KATNIP: variants seen among roughly 807,000 people sequenced by gnomAD.
KATNIP encodes the protein katanin-interacting protein.
In KATNIP, 126 loss-of-function variants were observed where a neutral mutation model predicts 174.0. The ratio of observed to expected loss-of-function variants is 0.72; its 90% confidence interval spans 0.63 to 0.84. The LOEUF is 0.84. Among genes scored for constraint, KATNIP ranks in the 40% least tolerant of loss-of-function variants. The pLI is 0.00. For synonymous variants in KATNIP, 810 were observed against 835.7 expected (o/e 0.97, Z 0.53); for missense variants, 1,958 against 2,109.7 (o/e 0.93, Z 1.41).
At position 27,615,109 on chromosome 16, in the gene KATNIP, T is replaced by A. The variant is rs560506855; in HGVS notation, c.64-3316T>A. Among the ~76,000 whole-genome samples the A allele has an allele frequency of 5.3e-5, 8 of 152,222 alleles. No individual in the cohort carries two copies. In the East Asian group the frequency reaches 1.6e-3, roughly 30 times the overall value. On this transcript the variant is annotated intron_variant, in intron 2 of 27. Coordinates refer to ENST00000261588, the MANE Select transcript of KATNIP (RefSeq NM_015202.5). Reference sequence around the variant, plus strand: ...AGAGTGGCTCATTCAGCACTGCAGATGCAGAGGAAGAGAATTTGGCAAGTA... The same window carrying A: ...AGAGTGGCTCATTCAGCACTGCAGAAGCAGAGGAAGAGAATTTGGCAAGTA...
At chr16:27,712,856 AG>A (rs1317393176) in intron 13 of KATNIP, among the ~76,000 whole-genome samples, 2 of 152,108 alleles carry the variant, frequency 1.3e-5, no homozygotes, top group Non-Finnish European at 2.9e-5. Context: ...CCCAGGCTGG[AG>A]AGCAGTGGTG....
chr16:27,761,334 C>A, intron 18 of KATNIP, 79 bp from the exon 19 acceptor site: 1 of 1,406,334 alleles, frequency 7.1e-7, no homozygotes, highest in Non-Finnish European at 9.6e-7. Context: ...GGCCGAATAG[C>A]ATTCCTCTTC....
intron 23 of KATNIP, 49 bp downstream of exon 23, chr16:27,773,258 TG>T (rs2144233254): frequency 7.5e-7 from 1 of 1,337,032 alleles, no homozygotes; most frequent in Admixed American, 1.9e-5. Flanking sequence ...GAAGGGAGCA[TG>T]GGAGGGTCGG....
intron 14 of KATNIP, among the ~76,000 whole-genome samples, chr16:27,733,669 G>A (rs1248736840): frequency 6.6e-6 from 1 of 151,842 alleles, no homozygotes; most frequent in African/African-American, 2.4e-5. Context: ...GGAATTTCAT[G>A]GTGCACTTCA....
chr16:27,778,204 G>A (rs2082572529), intron 27 of KATNIP, among the ~76,000 whole-genome samples: 1 of 152,246 alleles, frequency 6.6e-6, no homozygotes, highest in Non-Finnish European at 1.5e-5. Flanking sequence ...CTGAATCTAA[G>A]TGTCGTGGGC....
chr16:27,668,641 G>A (rs2077774287), intron 6 of KATNIP, among the ~76,000 whole-genome samples: 1 of 152,222 alleles, frequency 6.6e-6, no homozygotes, highest in Non-Finnish European at 1.5e-5. Flanking sequence ...ATGTGACCTT[G>A]AACTTGTACT....
chr16:27,660,324 G>A (rs928724219), intron 6 of KATNIP, among the ~76,000 whole-genome samples: 4 of 152,174 alleles, frequency 2.6e-5, no homozygotes, highest in Non-Finnish European at 4.4e-5. Context: ...CAAGGTGGGC[G>A]GATCACCTGA....
intron 22 of KATNIP, among the ~76,000 whole-genome samples, chr16:27,771,961 C>A (rs1234122670): frequency 1.3e-5 from 2 of 152,068 alleles, no homozygotes; most frequent in Non-Finnish European, 2.9e-5. Context: ...CTGGAACCAG[C>A]CAGGGAGGAG....
intron 2 of KATNIP, among the ~76,000 whole-genome samples, chr16:27,602,538 C>T (rs2075563257): frequency 1.3e-5 from 2 of 152,218 alleles, no homozygotes; most frequent in African/African-American, 2.4e-5. Context: ...CGGGTTCATT[C>T]TGCCTGCTGC....
chr16:27,736,872 C>A (rs1196896567), intron 14 of KATNIP, among the ~76,000 whole-genome samples: 2 of 152,122 alleles, frequency 1.3e-5, no homozygotes, highest in East Asian at 1.9e-4. Context: ...CTGGGGGAGA[C>A]CCTGGTGGCC....
chr16:27,625,689 TAAAC>T (rs1223084195), intron 3 of KATNIP, among the ~76,000 whole-genome samples: 2 of 152,076 alleles, frequency 1.3e-5, no homozygotes, highest in Non-Finnish European at 2.9e-5. Flanking sequence ...ATTTAAAAAA[TAAAC>T]AAAGAAATCA....
chr16:27,595,850 T>C (rs953663669), intron 2 of KATNIP, among the ~76,000 whole-genome samples: 2 of 152,120 alleles, frequency 1.3e-5, no homozygotes, highest in Non-Finnish European at 2.9e-5. Context: ...GAGCAGAGAC[T>C]ACAGGAAGTG....
intron 14 of KATNIP, among the ~76,000 whole-genome samples, chr16:27,731,000 A>AC (rs1421829455): frequency 1.3e-5 from 2 of 151,126 alleles, no homozygotes; most frequent in Non-Finnish European, 2.9e-5. Flanking sequence ...CAGCTCACAG[A>AC]CCCCCCGTGG....
chr16:27,599,606 C>T (rs2075448776), intron 2 of KATNIP, among the ~76,000 whole-genome samples: 1 of 152,194 alleles, frequency 6.6e-6, no homozygotes, highest in South Asian at 2.1e-4. Context: ...TGTGCCTTCA[C>T]CTTGGAAGCC....
chr16:27,650,300 G>T (rs1018127147), intron 6 of KATNIP, among the ~76,000 whole-genome samples: 6 of 152,218 alleles, frequency 3.9e-5, no homozygotes, highest in African/African-American at 1.4e-4. Context: ...TGTGAACAAG[G>T]GGGATAAAGA....
intron 6 of KATNIP, among the ~76,000 whole-genome samples, chr16:27,662,963 A>G (rs1003051129): frequency 5.3e-5 from 8 of 152,206 alleles, no homozygotes; most frequent in African/African-American, 1.9e-4. Context: ...TTGAGCAAGT[A>G]TACGTTATTT....
intron 2 of KATNIP, among the ~76,000 whole-genome samples, chr16:27,608,455 C>T (rs1364158800): frequency 2.7e-5 from 4 of 147,628 alleles, no homozygotes; most frequent in Non-Finnish European, 4.5e-5. Flanking sequence ...CTATGTTGCC[C>T]AGGCTGATCT....
intron 13 of KATNIP, among the ~76,000 whole-genome samples, chr16:27,713,822 A>ATGTGTGTGTAT (rs1261504841): frequency 9.8e-5 from 4 of 40,754 alleles, no homozygotes; most frequent in African/African-American, 4.1e-4. Flanking sequence ...ATATATATAT[A>ATGTGTGTGTAT]TATATATATA....
rs2082604070 is a variant in KATNIP, at chr16:27,779,036, C to T, written c.*407C>T. 5.7e-6 allele frequency: 1 copy of T among 175,344 alleles called. No individual in the cohort carries two copies. The highest frequency in any genetic ancestry group is 1.2e-5 in the Non-Finnish European group (1 of 83,908). 10.9% of individuals were successfully genotyped at this position (175,344 alleles called of 1,614,324 possible). A position where few individuals can be genotyped will look rare whatever the true frequency, so the allele number is the denominator to read the frequency against. Reference sequence around the variant, plus strand: ...CTGAGCAGGACAGTGGGAGACCAGACCCTACCCCGCAACTCCAGTAAGCAG... The same window carrying T: ...CTGAGCAGGACAGTGGGAGACCAGATCCTACCCCGCAACTCCAGTAAGCAG... On this transcript the variant is annotated 3_prime_UTR_variant, in exon 28 of 28. Transcript: ENST00000261588.
Sources: gnomAD v4.1 joint callset for allele counts (sites outside exome capture counted in the v4.1 genomes callset) on GRCh38, gnomAD v4.1.1 for gene constraint, MANE v1.5 for transcripts, NCBI Gene and HGNC (gene_info 2026-07-23, HGNC 2026-07-21) for gene names.